The following LRRC69 variants were observed in gnomAD, a reference collection of about 807,000 sequenced individuals.
The protein encoded by LRRC69 is leucine-rich repeat-containing protein 69.
In LRRC69, 42 loss-of-function variants were observed where a neutral mutation model predicts 37.8. That is an observed-to-expected ratio of 1.11 (90% CI 0.87 to 1.44). The LOEUF is 1.44. Ranked by LOEUF, LRRC69 falls within the 40% of genes most tolerant of loss-of-function variation. The probability of loss-of-function intolerance (pLI) is 0.00; values close to 1 mark genes in which losing one functional copy is unlikely to be tolerated. For synonymous variants in LRRC69, 141 were observed against 143.1 expected, an observed-to-expected ratio of 0.99 and a Z score of 0.11; for missense variants, 357 against 401.9, an observed-to-expected ratio of 0.89 and a Z score of 0.96.
chr8:91,188,665 C>G (rs575599120), intron 5 of LRRC69, among the ~76,000 whole-genome samples: 5 of 152,282 alleles, frequency 3.3e-5, no homozygotes, highest in African/African-American at 1.2e-4. Context: ...TTTTGGGAGG[C>G]AAGGCAAGAT....
intron 6 of LRRC69, among the ~76,000 whole-genome samples, chr8:91,199,039 C>G (rs564075429): frequency 6.6e-6 from 1 of 152,282 alleles, no homozygotes; most frequent in East Asian, 1.9e-4. Context: ...AAAAAGTGAT[C>G]TATATGAACC....
chr8:91,139,190 GT>G (rs1309687343), intron 5 of LRRC69: 1 of 151,250 alleles, frequency 6.6e-6, no homozygotes, highest in Admixed American at 6.6e-5. Context: ...AATTTTGTAA[GT>G]TGTACAACTT....
chr8:91,194,517 A>G (rs1055583248), intron 6 of LRRC69, among the ~76,000 whole-genome samples: 18 of 151,922 alleles, frequency 1.2e-4, no homozygotes, highest in Non-Finnish European at 2.4e-4. Context: ...TATTGCCACA[A>G]TTTCAGATCC....
intron 6 of LRRC69, among the ~76,000 whole-genome samples, chr8:91,194,996 C>T (rs180884330): frequency 6.6e-6 from 1 of 152,052 alleles, no homozygotes; most frequent in Non-Finnish European, 1.5e-5. Context: ...TATAAATTTC[C>T]CTCTACACAG....
chr8:91,135,649 CTT>C lies in LRRC69; in HGVS notation c.580-18_580-17del. The C allele has an allele frequency of 1.4e-6, 2 of 1,396,286 alleles. No homozygotes were observed. The highest frequency in any genetic ancestry group is 1.9e-6 in the Non-Finnish European group (2 of 1,048,964). The allele number at this position is 1,396,286 out of a possible 1,614,324, so 86.5% of individuals were successfully genotyped here. On this transcript the variant is annotated splice_polypyrimidine_tract_variant and intron_variant, in intron 4 of 7. Transcript: ENST00000448384. ...AATATTAGATTTAAAAAATCTCTCT[CTT>C]CTGTTTTCTGACACAGGAACTTTGT...
intron 5 of LRRC69, among the ~76,000 whole-genome samples, chr8:91,139,802 C>G (rs1183215331): frequency 6.6e-6 from 1 of 151,368 alleles, no homozygotes; most frequent in African/African-American, 2.4e-5. Context: ...AAAAAAGTAC[C>G]ATCTGGCCAG....
chr8:91,211,918 G>C (rs1037854342), intron 7 of LRRC69, among the ~76,000 whole-genome samples: 1 of 151,944 alleles, frequency 6.6e-6, no homozygotes, highest in Non-Finnish European at 1.5e-5. Flanking sequence ...TTCTATTCAG[G>C]TGAATGTAAA....
chr8:91,201,759 C>G (rs34507819), intron 7 of LRRC69, among the ~76,000 whole-genome samples: 7,916 of 152,156 alleles, frequency 0.052, 276 homozygotes, highest in Middle Eastern at 0.16. Context: ...GCTGCAGTTT[C>G]TGCCATTCTG....
At chr8:91,218,894 G>C in exon 8 of LRRC69, 1 of 1,541,266 alleles carries the variant, frequency 6.5e-7, no homozygotes, top group African/African-American at 1.4e-5. Context: ...TTTTAGGACT[G>C]GAAGATAAGC....
At chr8:91,158,143 C>G in intron 5 of LRRC69, 1 of 1,601,026 alleles carries the variant, frequency 6.2e-7, no homozygotes. Flanking sequence ...CTCTCACTTA[C>G]CTATGGAAAA....
chr8:91,152,953 C>A (rs1262479687), intron 5 of LRRC69, among the ~76,000 whole-genome samples: 1 of 151,116 alleles, frequency 6.6e-6, no homozygotes, highest in Admixed American at 6.6e-5. Context: ...AGTGTCAAGA[C>A]CCATCAGTGT....
At chr8:91,111,211 T>C (rs971876278) in intron 1 of LRRC69, among the ~76,000 whole-genome samples, 2 of 151,988 alleles carry the variant, frequency 1.3e-5, no homozygotes, top group Non-Finnish European at 2.9e-5. Context: ...GTGGTACATA[T>C]ATACCATGGA....
intron 5 of LRRC69, among the ~76,000 whole-genome samples, chr8:91,156,622 A>AT (rs906836152): frequency 8.9e-4 from 134 of 150,844 alleles, no homozygotes; most frequent in Middle Eastern, 3.4e-3. Flanking sequence ...GGTTTGGAGT[A>AT]TTTTTTAATT....
intron 5 of LRRC69, among the ~76,000 whole-genome samples, chr8:91,145,854 C>T (rs1461856747): frequency 3.3e-5 from 5 of 151,714 alleles, no homozygotes; most frequent in East Asian, 3.9e-4. Flanking sequence ...GCTTCTTTCA[C>T]CATTGTAATT....
intron 5 of LRRC69, among the ~76,000 whole-genome samples, chr8:91,168,773 A>C (rs1320074848): frequency 6.6e-6 from 1 of 151,888 alleles, no homozygotes; most frequent in Non-Finnish European, 1.5e-5. Flanking sequence ...CCAGGCCATA[A>C]AAATATAGAA....
chr8:91,143,904 C>T (rs1808572743), intron 5 of LRRC69, among the ~76,000 whole-genome samples: 1 of 151,894 alleles, frequency 6.6e-6, no homozygotes, highest in Admixed American at 6.6e-5. Context: ...TAACAATGTA[C>T]CCATTGTGTG....
At chr8:91,107,512 C>A (rs1338555029) in intron 1 of LRRC69, among the ~76,000 whole-genome samples, 1 of 151,948 alleles carries the variant, frequency 6.6e-6, no homozygotes, top group Admixed American at 6.6e-5. Context: ...TAGATGTGTA[C>A]AAAGTGTGGT....
intron 5 of LRRC69, among the ~76,000 whole-genome samples, chr8:91,150,296 C>T (rs372774652): frequency 3.7e-4 from 56 of 151,280 alleles, no homozygotes; most frequent in Admixed American, 1.3e-3. Context: ...TAGCATGAAG[C>T]GTTGTTGAAT....
chr8:91,135,652 C>T lies in LRRC69; in HGVS notation c.580-16C>T. On this transcript the variant is annotated splice_polypyrimidine_tract_variant and intron_variant, in intron 4 of 7. Coordinates refer to ENST00000448384, the Ensembl canonical transcript of LRRC69. ...ATTAGATTTAAAAAATCTCTCTCTT[C>T]TGTTTTCTGACACAGGAACTTTGTG... is the stretch of plus-strand genomic sequence containing the variant. The T allele has an allele frequency of 7.1e-7, 1 of 1,410,774 alleles. No individual in the cohort carries two copies. Among genetic ancestry groups the T allele is most frequent in the South Asian group, 1.4e-5 (1 of 70,530 alleles). 87.4% of individuals were successfully genotyped at this position (1,410,774 alleles called of 1,614,324 possible).
Sources: allele counts gnomAD v4.1 joint callset (sites outside exome capture counted in the v4.1 genomes callset), GRCh38; gene constraint gnomAD v4.1.1; transcripts MANE v1.5; gene names NCBI Gene and HGNC (gene_info 2026-07-23, HGNC 2026-07-21).